The following NBAS variants were observed in gnomAD, a reference collection of about 807,000 sequenced individuals.
NBAS encodes NAG/BC035112 fusion.
NBAS carries 219 observed loss-of-function variants against 302.5 expected under a neutral mutation model. The ratio of observed to expected loss-of-function variants is 0.72; its 90% confidence interval spans 0.65 to 0.81. NBAS has a LOEUF of 0.81. Ranked by LOEUF, NBAS falls within the 30% of genes least tolerant of loss-of-function variation. NBAS has a pLI of 0.00. For synonymous variants in NBAS, 1,118 were observed against 1,021.6 expected, an observed-to-expected ratio of 1.09 and a Z score of -1.80; for missense variants, 2,932 against 2,841.6, an observed-to-expected ratio of 1.03 and a Z score of -0.72.
chr2:15,152,846 G>A, the NBAS span, among the ~76,000 whole-genome samples: 1 of 152,216 alleles, frequency 6.6e-6, no homozygotes, highest in South Asian at 2.1e-4. Context: ...TATATAGTCA[G>A]TAGACAACTG....
the NBAS span, among the ~76,000 whole-genome samples, chr2:14,895,534 G>A: frequency 6.6e-6 from 1 of 152,030 alleles, no homozygotes; most frequent in Non-Finnish European, 1.5e-5. Flanking sequence ...GTCAGGAGAT[G>A]GAGACCATCC....
chr2:15,021,479 G>A, the NBAS span, among the ~76,000 whole-genome samples: 2 of 152,142 alleles, frequency 1.3e-5, no homozygotes, highest in African/African-American at 2.4e-5. Context: ...CTATGAGAAG[G>A]CTTTAGAGAG....
intron 38 of NBAS, among the ~76,000 whole-genome samples, chr2:15,315,956 A>C (rs1179255921): frequency 6.6e-6 from 1 of 152,200 alleles, no homozygotes; most frequent in Non-Finnish European, 1.5e-5. Context: ...CCACACTTGG[A>C]AGTTTCTTAG....
the NBAS span, among the ~76,000 whole-genome samples, chr2:14,852,417 CAAGGAAATAAAA>C: frequency 1.1e-5 from 1 of 87,116 alleles, no homozygotes; most frequent in Non-Finnish European, 2.2e-5. Context: ...AACCACTGCT[CAAGGAAATAAAA>C]GAGGATACAA....
the NBAS span, among the ~76,000 whole-genome samples, chr2:15,008,803 G>C: frequency 1.3e-5 from 2 of 152,136 alleles, no homozygotes; most frequent in South Asian, 4.1e-4. Flanking sequence ...CTTTCTAGTA[G>C]CAAAAATAAA....
intron 16 of NBAS, 87 bp from the exon 17 acceptor site, chr2:15,468,620 A>G: frequency 6.8e-7 from 1 of 1,460,294 alleles, no homozygotes; most frequent in Non-Finnish European, 9.6e-7. Flanking sequence ...GTAAAGCTAT[A>G]CCTGATGTAT....
intron 11 of NBAS, among the ~76,000 whole-genome samples, chr2:15,500,444 T>C (rs1558392813): frequency 6.7e-6 from 1 of 150,342 alleles, no homozygotes; most frequent in Non-Finnish European, 1.5e-5. Context: ...AAAACAAACA[T>C]AAATCCCCAC....
chr2:14,838,065 G>A, the NBAS span, among the ~76,000 whole-genome samples: 3 of 151,846 alleles, frequency 2.0e-5, no homozygotes, highest in Admixed American at 1.3e-4. Context: ...TTGTTTGTTT[G>A]TTTACTTATT....
chr2:15,105,279 G>A, the NBAS span, among the ~76,000 whole-genome samples: 3 of 151,948 alleles, frequency 2.0e-5, no homozygotes, highest in Non-Finnish European at 2.9e-5. Flanking sequence ...ACTAGGGGAG[G>A]GATAATATTA....
chr2:15,321,901 A>G (rs934606387), intron 38 of NBAS, among the ~76,000 whole-genome samples: 1 of 152,212 alleles, frequency 6.6e-6, no homozygotes, highest in Non-Finnish European at 1.5e-5. Flanking sequence ...TATATACCCC[A>G]AGGATTATAA....
chr2:15,485,353 TAATAGGATGCCACTA>T (rs1680579434), intron 12 of NBAS, among the ~76,000 whole-genome samples: 1 of 152,224 alleles, frequency 6.6e-6, no homozygotes, highest in Admixed American at 6.5e-5. Context: ...ATCTTTCAAA[TAATAGGATGCCACTA>T]AATAACTAAT....
intron 46 of NBAS, 119 bp from the exon 47 acceptor site, chr2:15,232,630 T>A: frequency 1.2e-6 from 1 of 809,678 alleles, no homozygotes; most frequent in Non-Finnish European, 2.1e-6. Flanking sequence ...TGCCTGCCCA[T>A]AGTCATTTGT....
At chr2:15,052,533 A>G in the NBAS span, among the ~76,000 whole-genome samples, 1 of 152,180 alleles carries the variant, frequency 6.6e-6, no homozygotes. Flanking sequence ...TAAAAGAAAG[A>G]CATGCCCCTA....
the NBAS span, among the ~76,000 whole-genome samples, chr2:14,908,598 C>T: frequency 6.6e-6 from 1 of 152,184 alleles, no homozygotes; most frequent in African/African-American, 2.4e-5. Context: ...CAGTTCCTTC[C>T]TGATGTAAAA....
At chr2:15,134,359 T>G in the NBAS span, among the ~76,000 whole-genome samples, 1 of 152,164 alleles carries the variant, frequency 6.6e-6, no homozygotes, top group African/African-American at 2.4e-5. Flanking sequence ...GCTTCAGACT[T>G]CCAGCTTCCA....
chr2:14,970,691 G>A, the NBAS span, among the ~76,000 whole-genome samples: 2 of 152,180 alleles, frequency 1.3e-5, no homozygotes, highest in Non-Finnish European at 2.9e-5. Context: ...TGGGCCAAAG[G>A]AAGGTACCCT....
chr2:15,330,795 A>G (rs1466068694), intron 35 of NBAS, 30 bp from the exon 36 acceptor site: 3 of 1,610,346 alleles, frequency 1.9e-6, no homozygotes, highest in Non-Finnish European at 2.5e-6. Flanking sequence ...TAGCAAGGGC[A>G]AAAATGCATT....
At chr2:15,240,598 C>G (rs946178885) in intron 44 of NBAS, among the ~76,000 whole-genome samples, 13 of 152,100 alleles carry the variant, frequency 8.5e-5, no homozygotes, top group African/African-American at 2.9e-4. Context: ...GACTGGGAGA[C>G]AAAGTGAGAC....
chr2:15,055,900 G>A, the NBAS span, among the ~76,000 whole-genome samples: 1 of 152,154 alleles, frequency 6.6e-6, no homozygotes, highest in East Asian at 1.9e-4. Flanking sequence ...GTAGTTTTAA[G>A]CTTTGATACC....
Sources: allele counts gnomAD v4.1 joint callset (sites outside exome capture counted in the v4.1 genomes callset), GRCh38; gene constraint gnomAD v4.1.1; transcripts MANE v1.5; gene names NCBI Gene and HGNC (gene_info 2026-07-23, HGNC 2026-07-21).